The following CCDC171 variants were observed in gnomAD, a reference collection of about 807,000 sequenced individuals.
CCDC171 encodes the protein coiled-coil domain-containing protein 171.
CCDC171 carries 177 observed loss-of-function variants against 168.2 expected under a neutral mutation model. The observed-to-expected ratio is 1.05, with a 90% CI of 0.93 to 1.19. The LOEUF is 1.19. Ranked by LOEUF, CCDC171 falls within the 50% of genes most tolerant of loss-of-function variation. The probability of loss-of-function intolerance (pLI) is 0.00; values close to 1 mark genes in which losing one functional copy is unlikely to be tolerated. For synonymous variants in CCDC171, 687 were observed against 540.8 expected, an observed-to-expected ratio of 1.27 and a Z score of -3.75; for missense variants, 1,991 against 1,539.0, an observed-to-expected ratio of 1.29 and a Z score of -4.91.
At chr9:16,097,269 A>G in the CCDC171 span, among the ~76,000 whole-genome samples, 1 of 152,238 alleles carries the variant, frequency 6.6e-6, no homozygotes, top group African/African-American at 2.4e-5. Flanking sequence ...CACTTAGGTC[A>G]GTAACCTCTG....
At chr9:15,648,264 A>G (rs948703106) in intron 7 of CCDC171, among the ~76,000 whole-genome samples, 2 of 152,214 alleles carry the variant, frequency 1.3e-5, no homozygotes, top group Non-Finnish European at 2.9e-5. Context: ...AATAAGAGCT[A>G]TCTGTGACAA....
intron 25 of CCDC171, among the ~76,000 whole-genome samples, chr9:15,920,754 T>C (rs1825206962): frequency 6.6e-6 from 1 of 151,766 alleles, no homozygotes; most frequent in Non-Finnish European, 1.5e-5. Flanking sequence ...GTGTGTCCCA[T>C]TAAGACAGAA....
intron 16 of CCDC171, among the ~76,000 whole-genome samples, chr9:15,733,830 A>G (rs1343919161): frequency 6.6e-6 from 1 of 152,114 alleles, no homozygotes; most frequent in East Asian, 1.9e-4. Flanking sequence ...GTATGGTGGC[A>G]CAGTCACGGC....
intron 21 of CCDC171, among the ~76,000 whole-genome samples, chr9:15,802,651 C>G (rs528435777): frequency 1.1e-4 from 17 of 152,274 alleles, no homozygotes; most frequent in Admixed American, 9.8e-4. Flanking sequence ...TTTATCCAGT[C>G]TATCACTGAT....
At chr9:15,883,580 G>C (rs953549216) in intron 24 of CCDC171, among the ~76,000 whole-genome samples, 8 of 152,040 alleles carry the variant, frequency 5.3e-5, no homozygotes, top group African/African-American at 1.7e-4. Flanking sequence ...GTTTTTTCTT[G>C]TTGAGATTTT....
chr9:15,619,498 C>A (rs909825910), intron 6 of CCDC171, among the ~76,000 whole-genome samples: 1 of 152,102 alleles, frequency 6.6e-6, no homozygotes, highest in East Asian at 1.9e-4. Context: ...GAACAAGACC[C>A]TAACTCTCTT....
the CCDC171 span, among the ~76,000 whole-genome samples, chr9:16,067,183 G>T: frequency 6.6e-6 from 1 of 151,970 alleles, no homozygotes; most frequent in East Asian, 1.9e-4. Flanking sequence ...ATCTCATTGT[G>T]GTTTTGATTT....
At chr9:15,685,595 A>T (rs1327016462) in intron 10 of CCDC171, among the ~76,000 whole-genome samples, 2 of 152,072 alleles carry the variant, frequency 1.3e-5, no homozygotes, top group Non-Finnish European at 2.9e-5. Flanking sequence ...TGATTACACC[A>T]GTGCATGCTA....
intron 24 of CCDC171, among the ~76,000 whole-genome samples, chr9:15,916,829 C>A (rs1824593752): frequency 6.6e-6 from 1 of 151,928 alleles, no homozygotes; most frequent in Non-Finnish European, 1.5e-5. Flanking sequence ...TAAACAAAGG[C>A]TATTCTTGTT....
At chr9:16,094,102 G>A in the CCDC171 span, among the ~76,000 whole-genome samples, 1 of 152,170 alleles carries the variant, frequency 6.6e-6, no homozygotes, top group Admixed American at 6.5e-5. Flanking sequence ...AGCAGTGTGG[G>A]GAGAGAGGAC....
chr9:15,563,839 T>C (rs1810322717), intron 1 of CCDC171, 139 bp from the exon 2 acceptor site: 5 of 389,448 alleles, frequency 1.3e-5, no homozygotes, highest in Non-Finnish European at 2.3e-5. Context: ...TTGGTGATCT[T>C]CTGAGGTCTA....
At chr9:15,734,399 G>T (rs975245366) in intron 16 of CCDC171, among the ~76,000 whole-genome samples, 1 of 152,080 alleles carries the variant, frequency 6.6e-6, no homozygotes, top group Admixed American at 6.6e-5. Context: ...TTAGCCAGGC[G>T]TGGTGGCGCA....
At chr9:15,996,726 A>C (rs972591557) in intron 3 of CCDC171, among the ~76,000 whole-genome samples, 1 of 152,158 alleles carries the variant, frequency 6.6e-6, no homozygotes, top group Non-Finnish European at 1.5e-5. Flanking sequence ...TATTATTATT[A>C]GCTCTGAGAA....
chr9:15,865,997 A>G (rs1026545709), intron 23 of CCDC171, among the ~76,000 whole-genome samples: 2 of 152,016 alleles, frequency 1.3e-5, no homozygotes, highest in Non-Finnish European at 2.9e-5. Context: ...ATGAGGAAGA[A>G]GGGAAAAGTA....
chr9:15,688,206 C>A (rs2050546978), intron 10 of CCDC171, among the ~76,000 whole-genome samples: 1 of 150,668 alleles, frequency 6.6e-6, no homozygotes. Flanking sequence ...CAAAATAAAT[C>A]AAAAGAGATT....
chr9:16,030,990 CAAA>C (rs1311530111), intron 6 of CCDC171, among the ~76,000 whole-genome samples: 1 of 152,128 alleles, frequency 6.6e-6, no homozygotes, highest in Non-Finnish European at 1.5e-5. Flanking sequence ...ACACTGGAGA[CAAA>C]GAAGAAGAGC....
At chr9:15,600,608 G>A (rs556166825) in intron 6 of CCDC171, among the ~76,000 whole-genome samples, 9 of 152,312 alleles carry the variant, frequency 5.9e-5, no homozygotes, top group African/African-American at 2.2e-4. Flanking sequence ...GATGCAGTCT[G>A]TCTGTTCTCA....
intron 25 of CCDC171, among the ~76,000 whole-genome samples, chr9:15,962,999 C>T (rs758204759): frequency 3.3e-5 from 5 of 151,816 alleles, no homozygotes; most frequent in Non-Finnish European, 4.4e-5. Context: ...ATTTACCTCA[C>T]GTTTAAAATA....
At chr9:16,009,724 G>A (rs56774729) in intron 3 of CCDC171, among the ~76,000 whole-genome samples, 2,454 of 152,100 alleles carry the variant, frequency 0.016, 80 homozygotes, top group African/African-American at 0.057. Flanking sequence ...ACATGCATTC[G>A]TTTTTTTAAA....
Sources: gnomAD v4.1 joint callset for allele counts (sites outside exome capture counted in the v4.1 genomes callset) on GRCh38, gnomAD v4.1.1 for gene constraint, MANE v1.5 for transcripts, NCBI Gene and HGNC (gene_info 2026-07-23, HGNC 2026-07-21) for gene names.